SERINC2: variants seen among roughly 807,000 people sequenced by gnomAD.
SERINC2 encodes tumor differentially expressed protein 2.
Under a neutral mutation model 54.2 loss-of-function variants are expected in SERINC2, and 56 were observed. The observed-to-expected ratio is 1.03, with a 90% CI of 0.83 to 1.29. SERINC2 has a LOEUF of 1.29. SERINC2 is among the 50% of genes most tolerant of loss of function. The pLI, the probability that SERINC2 is intolerant of heterozygous loss-of-function variation, is 0.00. For synonymous variants in SERINC2, 272 were observed against 253.1 expected, an observed-to-expected ratio of 1.07 and a Z score of -0.71; for missense variants, 614 against 607.4, an observed-to-expected ratio of 1.01 and a Z score of -0.12.
chr1:31,413,391 T>C lies in SERINC2; in HGVS notation c.39+87T>C. ...TTCTTCTGTTCTGCTCCGAGTAGTT[T>C]CTTCTTTTTCCTTCCTGCAAACTTG... is the stretch of plus-strand genomic sequence containing the variant. On this transcript the variant is annotated intron_variant, in intron 1 of 9. Transcript: ENST00000373709. The surrounding 1 kb of genome is among the most constrained non-coding windows in gnomAD (Gnocchi z 5.0). 1.3e-6 allele frequency: 1 copy of C among 741,044 alleles called. No homozygotes were observed. Among genetic ancestry groups the C allele is most frequent in the Non-Finnish European group, 1.8e-6 (1 of 545,272 alleles). The allele number at this position is 741,044 out of a possible 1,614,324, so 45.9% of individuals were successfully genotyped here.
Position 31,433,188 on chromosome 1 carries a change from G to T in SERINC2, c.1232+3G>T. 1.2e-6 allele frequency: 2 copies of T among 1,612,760 alleles called. No homozygotes were observed. The highest frequency in any genetic ancestry group is 1.7e-6 in the Non-Finnish European group (2 of 1,179,318). ...ATGACGCTCACCAACTGGTACAAGT[G>T]CGTAGCTGGTGGGGCATGGACAGAG... is the stretch of plus-strand genomic sequence containing the variant. On this transcript the variant is annotated splice_donor_region_variant and intron_variant, in intron 9 of 9. Transcript: ENST00000373709.
At position 31,432,412 on chromosome 1, in the gene SERINC2, A is replaced by G. The variant is rs555641683; in HGVS notation, c.1014-555A>G. ...TCATCACAGAAAAGCATGACATACAATCATTACTGTTGTTCTTTTTTTAGT... is the reference window on the plus strand; with the variant it reads ...TCATCACAGAAAAGCATGACATACAGTCATTACTGTTGTTCTTTTTTTAGT... On this transcript the variant is annotated intron_variant, in intron 8 of 9. Transcript: ENST00000373709. Among the ~76,000 whole-genome samples the G allele has an allele frequency of 4.5e-4, 69 of 152,252 alleles. 2 individuals carry two copies. Among genetic ancestry groups the G allele is most frequent in the African/African-American group, 1.6e-3 (68 of 41,510 alleles).
At chr1:31,410,826 C>T (rs1640635565), upstream of SERINC2, among the ~76,000 whole-genome samples, 1 of 152,064 alleles carries the variant, frequency 6.6e-6, no homozygotes, top group Admixed American at 6.5e-5. Flanking sequence ...TGTTCTAGGT[C>T]ATGGATAGGG....
chr1:31,416,051 G>A (rs944432902), intron 1 of SERINC2: 9 of 299,086 alleles, frequency 3.0e-5, no homozygotes, highest in African/African-American at 2.0e-4. Context: ...AGGCCTTTGG[G>A]TCAGACCACT....
chr1:31,413,153 T>TG, upstream of SERINC2: 6 of 998,018 alleles, frequency 6.0e-6, no homozygotes, highest in African/African-American at 1.8e-5. This position sits in a 1 kb window ranked among gnomAD's most constrained non-coding sequence, Gnocchi z 5.0. Flanking sequence ...CTTCGGTAGG[T>TG]GGGGCGGGGC....
At chr1:31,424,312 A>T (rs967580026) in intron 2 of SERINC2, among the ~76,000 whole-genome samples, 2 of 152,282 alleles carry the variant, frequency 1.3e-5, no homozygotes, top group Non-Finnish European at 2.9e-5. Flanking sequence ...GCTCTATTCC[A>T]TGGGAGAGGG....
At chr1:31,422,311 A>AC (rs71035098) in intron 1 of SERINC2, among the ~76,000 whole-genome samples, 4 of 150,568 alleles carry the variant, frequency 2.7e-5, no homozygotes. Context: ...AAAAAAAAAA[A>AC]CAAAAAAAGA....
At chr1:31,420,025 A>T (rs1193991161) in intron 1 of SERINC2, among the ~76,000 whole-genome samples, 1 of 151,844 alleles carries the variant, frequency 6.6e-6, no homozygotes, top group Non-Finnish European at 1.5e-5. Flanking sequence ...TTTTCCCCCT[A>T]TTATTTTCCT....
chr1:31,420,903 G>A (rs1408995830), intron 1 of SERINC2, among the ~76,000 whole-genome samples: 1 of 152,178 alleles, frequency 6.6e-6, no homozygotes, highest in Non-Finnish European at 1.5e-5. Context: ...CCTCTGGTAA[G>A]TCTCTTAGTC....
At chr1:31,412,503 G>A (rs950719250), upstream of SERINC2, among the ~76,000 whole-genome samples, 1 of 152,098 alleles carries the variant, frequency 6.6e-6, no homozygotes, top group East Asian at 1.9e-4. Flanking sequence ...TGAGAGGCTG[G>A]GGTCTTAGAA....
intron 1 of SERINC2, among the ~76,000 whole-genome samples, chr1:31,418,468 C>T (rs1412649641): frequency 2.0e-5 from 3 of 152,124 alleles, no homozygotes; most frequent in African/African-American, 7.2e-5. Context: ...TTCTGCCTCC[C>T]GGGTTCAAGC....
intron 8 of SERINC2, 97 bp from the exon 9 acceptor site, chr1:31,432,870 C>G: frequency 1.1e-6 from 1 of 901,058 alleles, no homozygotes; most frequent in East Asian, 2.6e-5. Context: ...GCCCAGTAAC[C>G]GGGTCGCTGG....
Position 31,433,001 on chromosome 1 carries a change from C to G in SERINC2, c.1048C>G (p.Leu350Val), listed in dbSNP as rs756027993. 16 of 1,612,282 alleles carry G rather than the reference C, an allele frequency of 9.9e-6. No individual in the cohort carries two copies. Among genetic ancestry groups the G allele is most frequent in the Non-Finnish European group, 1.4e-5 (16 of 1,179,784 alleles). ...CTCAGACCACCGGCAGGTGAACAGC[C>G]TGATGCAGACCGAGGAGTGCCCACC... is the stretch of plus-strand genomic sequence containing the variant. ...RSSDHRQVNSLMQTEECPPML... is the reference protein window; with the variant it reads ...RSSDHRQVNSVMQTEECPPML... The change falls in exon 9 of 10, where the codon CTG (leucine) becomes GTG (valine). Residue 350 changes from leucine to valine, a missense_variant. Physicochemically the swap from Leu to Val is conservative, Grantham distance 32. Coordinates refer to ENST00000373709, the MANE Select transcript of SERINC2 (RefSeq NM_178865.5).
upstream of SERINC2, chr1:31,410,426 C>T (rs532214862): frequency 6.5e-7 from 1 of 1,550,314 alleles, no homozygotes; most frequent in East Asian, 2.4e-5. Context: ...CACCCGGACC[C>T]AGCCACACAG....
chr1:31,432,925 G>T, intron 8 of SERINC2, 42 bp from the exon 9 acceptor site: 1 of 1,493,384 alleles, frequency 6.7e-7, no homozygotes, highest in Non-Finnish European at 9.1e-7. Context: ...TATGAGCAAC[G>T]CCAGAGCTAT....
In SERINC2 at chr1:31,429,544, G is replaced by T. The variant is rs1553134181; in HGVS notation, c.1013+6G>T. 2 of 1,597,782 alleles carry T rather than the reference G, an allele frequency of 1.3e-6. No individual in the cohort carries two copies. Among genetic ancestry groups the T allele is most frequent in the Admixed American group, 3.4e-5 (2 of 58,086 alleles). On this transcript the variant is annotated splice_donor_region_variant and intron_variant, in intron 8 of 9. Transcript: ENST00000373709. ...CTGTGCACCCTCTTCATCAGGTATG[G>T]CCAGGTCTGGATTCTGGGGAAGGAT...
At position 31,434,396 on chromosome 1, in the gene SERINC2, G is replaced by A. The variant is rs967070791; in HGVS notation, c.*197G>A. On this transcript the variant is annotated 3_prime_UTR_variant, in exon 10 of 10. Transcript: ENST00000373709. Reference sequence around the variant, plus strand: ...CCGAGGAGCATCAGGCTCCTGCAGAGCCCCATCCCCCCGCCACACCCACAC... The same window carrying A: ...CCGAGGAGCATCAGGCTCCTGCAGAACCCCATCCCCCCGCCACACCCACAC... The A allele has an allele frequency of 1.2e-5, 7 of 590,136 alleles. No individual in the cohort carries two copies. The highest frequency in any genetic ancestry group is 5.6e-5 in the African/African-American group (3 of 53,472). The allele number at this position is 590,136 out of a possible 1,614,324, so 36.6% of individuals were successfully genotyped here.
rs1553131773 is a variant in SERINC2 at position 31,413,472 on chromosome 1, G to A, written c.39+168G>A. On this transcript the variant is annotated intron_variant, in intron 1 of 9. Transcript: ENST00000373709. This position sits in a 1 kb window ranked among gnomAD's most constrained non-coding sequence, Gnocchi z 5.0. ...CCTCCTGGACCTTCACTCGGCACCC[G>A]GATCCCGCTGCCCCCGTCCCCCTGC... Among the ~76,000 whole-genome samples the A allele has an allele frequency of 6.6e-6, 1 of 151,662 alleles. No individual in the cohort carries two copies. The highest frequency in any genetic ancestry group is 6.6e-5 in the Admixed American group (1 of 15,250).
At position 31,425,912 on chromosome 1, in the gene SERINC2, A is replaced by C. The variant is rs1450161427; in HGVS notation, c.609A>C (p.Ala203=). 6 of 1,610,594 alleles carry C rather than the reference A, an allele frequency of 3.7e-6. No homozygotes were observed. In the African/African-American group the frequency reaches 8.0e-5, roughly 22 times the overall value. The change falls in exon 5 of 10, where the codon GCA becomes GCC. Residue 203 remains alanine, a splice_region_variant and synonymous_variant. Coordinates refer to ENST00000373709, the MANE Select transcript of SERINC2 (RefSeq NM_178865.5). ...AEECDSRAWY[A]GLFFFTLLFY... ...AGTGCGATTCCCGTGCCTGGTACGC[A>C]GGTCAGTGCTGCCACCCTGCCTCCG...
Sources: gnomAD v4.1 joint callset for allele counts (sites outside exome capture counted in the v4.1 genomes callset) on GRCh38, gnomAD v4.1.1 for gene constraint, Gnocchi (gnomAD v3.1) non-coding constraint, MANE v1.5 for transcripts, NCBI Gene and HGNC (gene_info 2026-07-23, HGNC 2026-07-21) for gene names.